AGBL1: variants seen among roughly 807,000 people sequenced by gnomAD.
AGBL1 encodes the protein cytosolic carboxypeptidase 4.
AGBL1 carries 130 observed loss-of-function variants against 118.9 expected under a neutral mutation model. That is an observed-to-expected ratio of 1.09 (90% CI 0.95 to 1.26). AGBL1 has a LOEUF of 1.26. AGBL1 is among the 50% of genes most tolerant of loss of function. The pLI is 0.00. For missense variants in AGBL1, 1,584 were observed against 1,298.1 expected (o/e 1.22, Z -3.38); for synonymous variants, 555 against 478.9 (o/e 1.16, Z -2.08).
chr15:86,998,285 ACT>A lies in AGBL1; in HGVS notation c.3323+10200_3323+10201del, dbSNP rs372883539. The stretch of plus-strand genomic sequence containing the variant: ...TATTTCAAGTAGATTCTCTCAATTG[ACT>A]CTATCCTTTCATGGCTTTAGTAAGG... On this transcript the variant is annotated intron_variant, in intron 24 of 24. Coordinates refer to the AGBL1 transcript ENST00000441037. 2.0e-3 allele frequency among the ~76,000 whole-genome samples: 306 copies of A among 152,246 alleles called. 1 individual carries two copies. Among genetic ancestry groups the A allele is most frequent in the South Asian group, 7.3e-3 (35 of 4,820 alleles).
chr15:86,210,501 C>G (rs866042104), intron 5 of AGBL1, among the ~76,000 whole-genome samples: 13 of 152,176 alleles, frequency 8.5e-5, no homozygotes, highest in African/African-American at 3.1e-4. Flanking sequence ...TTCTTGGAGG[C>G]TTTGTTCGTC....
intron 6 of AGBL1, among the ~76,000 whole-genome samples, chr15:86,233,486 C>A (rs1444584285): frequency 6.6e-6 from 1 of 151,826 alleles, no homozygotes; most frequent in South Asian, 2.1e-4. Context: ...CATGACTTGT[C>A]CTTTGCCCCT....
At chr15:86,345,378 G>A (rs1467857130) in intron 17 of AGBL1, among the ~76,000 whole-genome samples, 2 of 152,172 alleles carry the variant, frequency 1.3e-5, no homozygotes, top group East Asian at 3.8e-4. Context: ...CATTAATTAT[G>A]CACCTACTAT....
intron 21 of AGBL1, among the ~76,000 whole-genome samples, chr15:86,624,787 C>A (rs964660326): frequency 3.3e-5 from 5 of 152,176 alleles, no homozygotes; most frequent in African/African-American, 9.6e-5. Flanking sequence ...CCTCTACAAA[C>A]TCAGGAGGGA....
intron 22 of AGBL1, among the ~76,000 whole-genome samples, chr15:86,903,759 T>C (rs2080243236): frequency 6.6e-6 from 1 of 152,190 alleles, no homozygotes; most frequent in South Asian, 2.1e-4. Context: ...TTGCTACTGC[T>C]GGGCCATGGT....
chr15:86,685,082 G>A (rs1417825738), intron 22 of AGBL1, among the ~76,000 whole-genome samples: 1 of 152,112 alleles, frequency 6.6e-6, no homozygotes, highest in Non-Finnish European at 1.5e-5. Context: ...CAAGATGTGT[G>A]GAAAATATCA....
chr15:86,581,743 C>G (rs1182933393), intron 21 of AGBL1, among the ~76,000 whole-genome samples: 2 of 152,122 alleles, frequency 1.3e-5, no homozygotes, highest in Admixed American at 6.6e-5. Flanking sequence ...GATATAGCTA[C>G]TTCCTCACTG....
chr15:86,677,971 A>AT (rs1483198676), intron 22 of AGBL1, among the ~76,000 whole-genome samples: 3 of 152,056 alleles, frequency 2.0e-5, no homozygotes, highest in Non-Finnish European at 4.4e-5. Context: ...ATCCTAAATT[A>AT]TTTTTCTGTT....
At chr15:86,452,251 CAT>C (rs745401810) in intron 18 of AGBL1, among the ~76,000 whole-genome samples, 1 of 152,180 alleles carries the variant, frequency 6.6e-6, no homozygotes, top group African/African-American at 2.4e-5. Flanking sequence ...CAAGTGGCCA[CAT>C]GTTTGTCCCT....
intron 21 of AGBL1, among the ~76,000 whole-genome samples, chr15:86,591,885 A>G (rs947740779): frequency 6.6e-6 from 1 of 152,154 alleles, no homozygotes; most frequent in African/African-American, 2.4e-5. Flanking sequence ...ACCAGCTGCC[A>G]TCCTGAAGCT....
intron 17 of AGBL1, among the ~76,000 whole-genome samples, chr15:86,349,058 A>T (rs2080584720): frequency 6.6e-6 from 1 of 152,232 alleles, no homozygotes; most frequent in South Asian, 2.1e-4. Flanking sequence ...GTGAAGACAG[A>T]TACAGAGATT....
At chr15:86,344,319 T>G (rs1476302023) in intron 17 of AGBL1, among the ~76,000 whole-genome samples, 1 of 151,752 alleles carries the variant, frequency 6.6e-6, no homozygotes, top group Non-Finnish European at 1.5e-5. Context: ...CTTTGGGAGG[T>G]GAGTATTGAA....
chr15:86,379,037 C>T (rs533699992), intron 17 of AGBL1, among the ~76,000 whole-genome samples: 12 of 152,084 alleles, frequency 7.9e-5, no homozygotes, highest in Admixed American at 4.6e-4. Flanking sequence ...CTCAGCCTCC[C>T]GAGTGGCTGG....
chr15:86,772,304 A>G (rs1312169394), intron 22 of AGBL1, among the ~76,000 whole-genome samples: 1 of 152,066 alleles, frequency 6.6e-6, no homozygotes, highest in Non-Finnish European at 1.5e-5. Context: ...TATAGAAATG[A>G]GCATATTACC....
intron 17 of AGBL1, among the ~76,000 whole-genome samples, chr15:86,339,458 T>A (rs893305626): frequency 3.3e-5 from 5 of 152,146 alleles, no homozygotes; most frequent in East Asian, 1.9e-4. Context: ...CTCCTCTAAT[T>A]TGGGGACTCC....
At chr15:86,151,233 T>C (rs1438237288) in intron 3 of AGBL1, among the ~76,000 whole-genome samples, 1 of 150,472 alleles carries the variant, frequency 6.6e-6, no homozygotes. Context: ...CGCACCAGCA[T>C]GGCACGTGTA....
chr15:86,131,230 G>A (rs541005554), intron 1 of AGBL1, among the ~76,000 whole-genome samples: 2 of 152,208 alleles, frequency 1.3e-5, no homozygotes, highest in African/African-American at 2.4e-5. Flanking sequence ...ACTCTTGAAA[G>A]GTAAGCAATG....
At chr15:86,304,463 T>C (rs143335218) in intron 17 of AGBL1, among the ~76,000 whole-genome samples, 3 of 152,366 alleles carry the variant, frequency 2.0e-5, no homozygotes, top group East Asian at 3.9e-4. Flanking sequence ...TGCTACTTTT[T>C]TTCTTCATTG....
chr15:86,095,279 T>C (rs998197712), intron 1 of AGBL1, among the ~76,000 whole-genome samples: 1 of 152,180 alleles, frequency 6.6e-6, no homozygotes, highest in African/African-American at 2.4e-5. Context: ...GATTGACTCA[T>C]TGGCCTTTGG....
Sources: gnomAD v4.1 joint callset for allele counts (sites outside exome capture counted in the v4.1 genomes callset) on GRCh38, gnomAD v4.1.1 for gene constraint, MANE v1.5 for transcripts, NCBI Gene and HGNC (gene_info 2026-07-23, HGNC 2026-07-21) for gene names.